The following CDHR3 variants were observed in gnomAD, a reference collection of about 807,000 sequenced individuals.
CDHR3 encodes the protein cadherin-related family member 3.
CDHR3 carries 79 observed loss-of-function variants against 86.6 expected under a neutral mutation model. That is an observed-to-expected ratio of 0.91 (90% CI 0.76 to 1.10). CDHR3 has a LOEUF of 1.10. Among genes scored for constraint, CDHR3 ranks in the 50% least tolerant of loss-of-function variants. CDHR3 has a pLI of 0.00. For missense variants in CDHR3, 1,081 were observed against 1,077.6 expected (o/e 1.00, Z -0.04); for synonymous variants, 421 against 402.4 (o/e 1.05, Z -0.55).
chr7:105,974,826 A>G lies in CDHR3; in HGVS notation c.47-18A>G. 1 of 1,605,794 alleles carries G rather than the reference A, an allele frequency of 6.2e-7. No individual in the cohort carries two copies. Among genetic ancestry groups the G allele is most frequent in the Non-Finnish European group, 8.5e-7 (1 of 1,173,792 alleles). The stretch of plus-strand genomic sequence containing the variant: ...AGGCTTTGTGTTCATGTCATCCTGC[A>G]CCCTTTTTACTCCACAGGGGGAGAA... On this transcript the variant is annotated intron_variant, in intron 1 of 18. Coordinates refer to ENST00000317716, the MANE Select transcript of CDHR3 (RefSeq NM_152750.5).
In CDHR3 at chr7:105,996,241, C is replaced by G. The variant is rs552936182; in HGVS notation, c.609-9C>G. ...CTTGATTCTCTCACGTGGAATGTTT[C>G]CCTGGCAGTTTCCATCTCATCGTGG... On this transcript the variant is annotated splice_polypyrimidine_tract_variant and intron_variant, in intron 5 of 18. Transcript: ENST00000317716. 1 of 1,497,432 alleles carries G rather than the reference C, an allele frequency of 6.7e-7. No homozygotes were observed. The highest frequency in any genetic ancestry group is 1.4e-5 in the African/African-American group (1 of 72,784). The allele number at this position is 1,497,432 out of a possible 1,614,324, so 92.8% of individuals were successfully genotyped here. A position where few individuals can be genotyped will look rare whatever the true frequency, so the allele number is the denominator to read the frequency against.
chr7:106,018,099 C>T (rs772576867), intron 12 of CDHR3, 27 bp downstream of exon 12: 70 of 1,592,152 alleles, frequency 4.4e-5, no homozygotes, highest in Admixed American at 6.7e-5. Flanking sequence ...GGTATAGTGC[C>T]GGTAACCCAA....
chr7:105,975,045 A>G lies in CDHR3; in HGVS notation c.248A>G (p.Glu83Gly), dbSNP rs1828584781. 1 of 1,612,588 alleles carries G rather than the reference A, an allele frequency of 6.2e-7. No individual in the cohort carries two copies. The highest frequency in any genetic ancestry group is 8.5e-7 in the Non-Finnish European group (1 of 1,178,606). Reference protein sequence around the residue: ...RVNWLSGTYFEVVTTGMEQLD... With the variant: ...RVNWLSGTYFGVVTTGMEQLD... ...AATTGGCTGTCAGGCACCTACTTTG[A>G]GGTAAGTAACAACTTACCAACATGA... The change falls in exon 2 of 19, where the codon GAG becomes GGG. Residue 83 changes from glutamate (E) to glycine (G), a missense_variant and splice_region_variant. Physicochemically the swap from Glu to Gly is moderately conservative, Grantham distance 98. Transcript: ENST00000317716.
At chr7:105,990,264 A>G (rs1254583330) in intron 4 of CDHR3, among the ~76,000 whole-genome samples, 1 of 152,216 alleles carries the variant, frequency 6.6e-6, no homozygotes, top group African/African-American at 2.4e-5. Flanking sequence ...GTCTCTTCTT[A>G]AAAACATTCA....
chr7:105,987,960 A>G (rs1192515766), intron 4 of CDHR3, among the ~76,000 whole-genome samples: 2 of 152,260 alleles, frequency 1.3e-5, no homozygotes, highest in African/African-American at 4.8e-5. Flanking sequence ...GTGCAATCAC[A>G]GCTCACTGCA....
At chr7:106,013,522 A>C (rs753310267) in intron 9 of CDHR3, among the ~76,000 whole-genome samples, 5 of 152,226 alleles carry the variant, frequency 3.3e-5, no homozygotes, top group Non-Finnish European at 7.3e-5. Context: ...CAAAAGCTGC[A>C]TTGGAAGAAG....
At chr7:105,969,750 G>A (rs1443469944) in intron 1 of CDHR3, among the ~76,000 whole-genome samples, 1 of 152,192 alleles carries the variant, frequency 6.6e-6, no homozygotes, top group African/African-American at 2.4e-5. Context: ...TGCTGAGGCA[G>A]CCTTCAGCTG....
intron 12 of CDHR3, among the ~76,000 whole-genome samples, chr7:106,018,826 C>A (rs944397790): frequency 2.0e-5 from 3 of 152,080 alleles, no homozygotes; most frequent in African/African-American, 7.2e-5. Context: ...CGATGCTGTG[C>A]TGCTATCTTG....
intron 7 of CDHR3, among the ~76,000 whole-genome samples, chr7:106,003,989 CAAAAA>C (rs55815648): frequency 5.0e-5 from 4 of 79,950 alleles, no homozygotes; most frequent in Non-Finnish European, 9.4e-5. Flanking sequence ...CCAACCTAAC[CAAAAA>C]AAAAAAAAAA....
intron 2 of CDHR3, among the ~76,000 whole-genome samples, chr7:105,976,108 G>T (rs527320738): frequency 4.0e-4 from 61 of 152,236 alleles, no homozygotes; most frequent in African/African-American, 1.4e-3. Flanking sequence ...CCCAGATGCT[G>T]GTTCTGTGAC....
intron 18 of CDHR3, among the ~76,000 whole-genome samples, chr7:106,031,397 T>G (rs1442463287): frequency 6.6e-6 from 1 of 152,158 alleles, no homozygotes; most frequent in Non-Finnish European, 1.5e-5. Flanking sequence ...AGCTCCAAAT[T>G]TAGCTCCTTT....
chr7:105,994,886 G>C (rs778470912), intron 5 of CDHR3, 41 bp downstream of exon 5: 5 of 1,489,266 alleles, frequency 3.4e-6, no homozygotes, highest in Non-Finnish European at 4.6e-6. Flanking sequence ...CTGTTTATCT[G>C]AGGGTCAAGG....
At chr7:105,987,155 G>A (rs1421221654) in intron 4 of CDHR3, among the ~76,000 whole-genome samples, 1 of 152,144 alleles carries the variant, frequency 6.6e-6, no homozygotes, top group African/African-American at 2.4e-5. Flanking sequence ...AAGGAAAGCT[G>A]CCCAGGTAGG....
In CDHR3 at chr7:106,004,643, A is replaced by G. The variant is rs746778132; in HGVS notation, c.1008A>G (p.Glu336=). The change falls in exon 8 of 19, where the codon GAA becomes GAG. Residue 336 remains glutamate (E), a synonymous_variant. Coordinates refer to ENST00000317716, the MANE Select transcript of CDHR3 (RefSeq NM_152750.5). The stretch of plus-strand genomic sequence containing the variant: ...GCATCCAGATAACCTTCATTGTGGA[A>G]GACGTCAACGACAATCCTGCCACAT... ...ENRIQITFIV[E]DVNDNPATCQ... 3.1e-6 allele frequency: 5 copies of G among 1,614,058 alleles called. No individual in the cohort carries two copies. Among genetic ancestry groups the G allele is most frequent in the Non-Finnish European group, 3.4e-6 (4 of 1,179,896 alleles).
Position 106,026,760 on chromosome 7 carries a change from G to T in CDHR3, c.2272+65G>T, listed in dbSNP as rs768615321. 9.7e-6 allele frequency: 15 copies of T among 1,549,120 alleles called. No homozygotes were observed. The East Asian group carries it at 2.2e-4, about 23-fold the overall frequency. On this transcript the variant is annotated intron_variant, in intron 16 of 18. Transcript: ENST00000317716. ...CTTGCTCTGTTGTGCTACGTAAAAA[G>T]GTTCCTACTCGGCAAAGAATCAGGC...
chr7:106,008,757 T>C (rs1255986130), intron 8 of CDHR3, among the ~76,000 whole-genome samples: 2 of 152,138 alleles, frequency 1.3e-5, no homozygotes, highest in Admixed American at 1.3e-4. Flanking sequence ...CTTTGACATT[T>C]TAAATCTGTG....
At chr7:105,993,653 G>C (rs576789384) in intron 4 of CDHR3, among the ~76,000 whole-genome samples, 129 of 140,328 alleles carry the variant, frequency 9.2e-4, no homozygotes, top group Non-Finnish European at 1.8e-3. Context: ...TGCAGCCTGG[G>C]TGACAGAGCC....
At chr7:106,014,457 T>C (rs1835267858) in intron 9 of CDHR3, among the ~76,000 whole-genome samples, 1 of 152,188 alleles carries the variant, frequency 6.6e-6, no homozygotes, top group East Asian at 1.9e-4. Context: ...AACAAAATAC[T>C]ATAACAAAAG....
At chr7:105,984,884 C>T (rs573805500) in intron 4 of CDHR3, among the ~76,000 whole-genome samples, 1 of 152,016 alleles carries the variant, frequency 6.6e-6, no homozygotes, top group African/African-American at 2.4e-5. Context: ...CATAGTGAGA[C>T]CTCGTCTCTA....
Sources: allele counts gnomAD v4.1 joint callset (sites outside exome capture counted in the v4.1 genomes callset), GRCh38; gene constraint gnomAD v4.1.1; transcripts MANE v1.5; gene names NCBI Gene and HGNC (gene_info 2026-07-23, HGNC 2026-07-21).